CYSLTR2: variants seen among roughly 807,000 people sequenced by gnomAD.
CYSLTR2 encodes the protein G-protein coupled receptor GPCR21.
For missense variants in CYSLTR2, 398 were observed against 411.9 expected (o/e 0.97, Z 0.29); for synonymous variants, 179 against 160.8 (o/e 1.11, Z -0.86).
chr13:48,690,626 C>T (rs909109828), intron 1 of CYSLTR2, among the ~76,000 whole-genome samples: 3 of 152,110 alleles, frequency 2.0e-5, no homozygotes, highest in African/African-American at 7.2e-5. Context: ...AATGTATAAG[C>T]TTTTTGATGT....
chr13:48,699,046 G>A (rs1381828121), intron 4 of CYSLTR2, among the ~76,000 whole-genome samples: 1 of 152,164 alleles, frequency 6.6e-6, no homozygotes, highest in African/African-American at 2.4e-5. Flanking sequence ...CCTACAAAGA[G>A]ACTTAGACTC....
intron 1 of CYSLTR2, among the ~76,000 whole-genome samples, chr13:48,659,482 A>G (rs1953076317): frequency 6.6e-6 from 1 of 152,220 alleles, no homozygotes; most frequent in Non-Finnish European, 1.5e-5. Flanking sequence ...TTAACAAACT[A>G]CCTTTGTAAA....
At chr13:48,680,347 TA>T (rs914104135) in intron 1 of CYSLTR2, among the ~76,000 whole-genome samples, 1 of 152,178 alleles carries the variant, frequency 6.6e-6, no homozygotes, top group African/African-American at 2.4e-5. Context: ...TAAGTATAAA[TA>T]AAAATAGCAT....
At chr13:48,693,556 A>AG (rs1488499077) in intron 3 of CYSLTR2, 46 bp downstream of exon 3, 1 of 151,664 alleles carries the variant, frequency 6.6e-6, no homozygotes, top group African/African-American at 2.4e-5. Context: ...GAAAGAGAGG[A>AG]GGGGGAATAG....
At chr13:48,667,220 G>A (rs1953286156) in intron 1 of CYSLTR2, among the ~76,000 whole-genome samples, 1 of 152,220 alleles carries the variant, frequency 6.6e-6, no homozygotes, top group African/African-American at 2.4e-5. Context: ...GTAAGAATTT[G>A]TAGTGATAGC....
intron 3 of CYSLTR2, among the ~76,000 whole-genome samples, chr13:48,695,409 C>T (rs547667751): frequency 1.3e-3 from 192 of 145,278 alleles, no homozygotes; most frequent in African/African-American, 4.4e-3. Context: ...CTCTCTCTTT[C>T]TCTCTCTCTC....
chr13:48,699,706 TA>T (rs375159930), intron 4 of CYSLTR2, among the ~76,000 whole-genome samples: 152 of 151,670 alleles, frequency 1.0e-3, no homozygotes, highest in East Asian at 8.1e-3. Flanking sequence ...CAAAAACCCT[TA>T]AAAAAAATCA....
intron 1 of CYSLTR2, among the ~76,000 whole-genome samples, chr13:48,656,195 G>A (rs1159946079): frequency 2.0e-5 from 3 of 152,074 alleles, no homozygotes; most frequent in African/African-American, 7.2e-5. Context: ...TGTACTACTT[G>A]TGTAATAAAA....
chr13:48,707,493 C>A lies in CYSLTR2; in HGVS notation c.676C>A (p.Arg226=). Residue 226 remains arginine, a synonymous_variant, in exon 5 of 5, where the codon CGG becomes AGG. Transcript: ENST00000682523. The part of the protein sequence containing the change: ...TLSICYLLII[R]VLLKVEVPES... Reference sequence around the variant, plus strand: ...CAGCATCTGTTATCTGCTGATCATTCGGGTTCTGTTAAAAGTGGAGGTCCC... The same window carrying A: ...CAGCATCTGTTATCTGCTGATCATTAGGGTTCTGTTAAAAGTGGAGGTCCC... 1 of 1,612,670 alleles carries A rather than the reference C, an allele frequency of 6.2e-7. No homozygotes were observed. The highest frequency in any genetic ancestry group is 8.5e-7 in the Non-Finnish European group (1 of 1,180,014).
chr13:48,683,802 T>A (rs1381803203), intron 1 of CYSLTR2, among the ~76,000 whole-genome samples: 7 of 152,252 alleles, frequency 4.6e-5, no homozygotes, highest in Non-Finnish European at 8.8e-5. Flanking sequence ...CATGAAATCT[T>A]TGCCAGACAG....
intron 4 of CYSLTR2, among the ~76,000 whole-genome samples, chr13:48,701,682 A>G (rs1954351282): frequency 6.6e-6 from 1 of 152,350 alleles, no homozygotes; most frequent in Admixed American, 6.5e-5. Flanking sequence ...ACTGGCCATC[A>G]GAGGAATGCA....
chr13:48,699,041 A>G (rs1032825549), intron 4 of CYSLTR2, among the ~76,000 whole-genome samples: 9 of 152,190 alleles, frequency 5.9e-5, no homozygotes, highest in Non-Finnish European at 1.2e-4. Flanking sequence ...AGAGACCTAC[A>G]AAGAGACTTA....
chr13:48,665,047 T>A (rs1953225589), intron 1 of CYSLTR2, among the ~76,000 whole-genome samples: 1 of 152,086 alleles, frequency 6.6e-6, no homozygotes, highest in Non-Finnish European at 1.5e-5. Flanking sequence ...TAAAATTATA[T>A]TCTTAATTTC....
intron 1 of CYSLTR2, among the ~76,000 whole-genome samples, chr13:48,687,347 C>G (rs974866610): frequency 1.1e-4 from 17 of 151,990 alleles, no homozygotes; most frequent in African/African-American, 4.1e-4. Flanking sequence ...ATCTATCTAT[C>G]TATCTATTAT....
intron 1 of CYSLTR2, among the ~76,000 whole-genome samples, chr13:48,668,403 C>T (rs1361538591): frequency 1.3e-5 from 2 of 151,974 alleles, no homozygotes; most frequent in East Asian, 3.9e-4. Context: ...GAGAGAGTGG[C>T]GTGAAAGGCA....
intron 1 of CYSLTR2, among the ~76,000 whole-genome samples, chr13:48,676,941 C>T (rs1013092354): frequency 6.6e-6 from 1 of 152,126 alleles, no homozygotes; most frequent in Non-Finnish European, 1.5e-5. Context: ...ATCTGGGAGG[C>T]AGAGGCAAAG....
At chr13:48,664,545 A>G (rs1000414866) in intron 1 of CYSLTR2, among the ~76,000 whole-genome samples, 3 of 151,862 alleles carry the variant, frequency 2.0e-5, no homozygotes, top group Non-Finnish European at 4.4e-5. Flanking sequence ...TCATGGTTCA[A>G]TCTTGGTAGG....
At position 48,691,293 on chromosome 13, in the gene CYSLTR2, T is replaced by C. The variant is rs1470192201; in HGVS notation, c.-184T>C. 1 of 152,040 alleles carries C rather than the reference T, an allele frequency of 6.6e-6. No individual in the cohort carries two copies. Among genetic ancestry groups the C allele is most frequent in the Non-Finnish European group, 1.5e-5 (1 of 67,946 alleles). The allele number at this position is 152,040 out of a possible 1,614,324, so 9.4% of individuals were successfully genotyped here. A position where few individuals can be genotyped will look rare whatever the true frequency, so the allele number is the denominator to read the frequency against. The stretch of plus-strand genomic sequence containing the variant: ...GTCCATGCAAGGTATGGAGAGTTCC[T>C]CAACAGAGGTAATCAATCATCAGCT... On this transcript the variant is annotated 5_prime_UTR_variant, in exon 2 of 5. Coordinates refer to ENST00000682523, the MANE Select transcript of CYSLTR2 (RefSeq NM_001308476.3).
At chr13:48,672,560 T>G (rs1953462575) in intron 1 of CYSLTR2, among the ~76,000 whole-genome samples, 1 of 151,936 alleles carries the variant, frequency 6.6e-6, no homozygotes, top group African/African-American at 2.4e-5. Context: ...CAGGAGCAGG[T>G]TGTTCAGTTT....
Sources: gnomAD v4.1 joint callset for allele counts (sites outside exome capture counted in the v4.1 genomes callset) on GRCh38, gnomAD v4.1.1 for gene constraint, MANE v1.5 for transcripts, NCBI Gene and HGNC (gene_info 2026-07-23, HGNC 2026-07-21) for gene names.